LMTK2: variants seen among roughly 807,000 people sequenced by gnomAD.
LMTK2 encodes lemur tail kinase 2, also known as serine/threonine-protein kinase LMTK2.
LMTK2 carries 37 observed loss-of-function variants against 127.5 expected under a neutral mutation model. The ratio of observed to expected loss-of-function variants is 0.29; its 90% CI spans 0.22 to 0.38. LMTK2 has a LOEUF of 0.38. Among genes scored for constraint, LMTK2 ranks in the 10% least tolerant of loss-of-function variants. The pLI, the probability that LMTK2 is intolerant of heterozygous loss-of-function variation, is 1.00. For missense variants in LMTK2, 1,694 were observed against 1,920.3 expected, an observed-to-expected ratio of 0.88 and a Z score of 2.20; for synonymous variants, 819 against 810.1, an observed-to-expected ratio of 1.01 and a Z score of -0.19.
intron 3 of LMTK2, among the ~76,000 whole-genome samples, chr7:98,142,491 G>A (rs778775114): frequency 6.6e-5 from 10 of 151,702 alleles, no homozygotes; most frequent in Non-Finnish European, 1.2e-4. Context: ...AAATAATGAA[G>A]TTTAAAAGGA....
rs1011749294 is a variant in LMTK2 at position 98,205,330 on chromosome 7, G to C, written c.4484-134G>C. The C allele has an allele frequency of 1.7e-5, 17 of 997,838 alleles. No individual in the cohort carries two copies. The African/African-American group carries it at 2.7e-4, about 16-fold the overall frequency. The allele number at this position is 997,838 out of a possible 1,614,324, so 61.8% of individuals were successfully genotyped here. On this transcript the variant is annotated intron_variant, in intron 13 of 13. Transcript: ENST00000297293. ...TGCTTCCGAAGGAAAGGACAGGAAG[G>C]GCGGCTCAGGCGGTGCTGGGCTCAA...
chr7:98,208,702 G>C lies in LMTK2; in HGVS notation c.*3210G>C, dbSNP rs1481357844. 6.6e-6 allele frequency: 1 copy of C among 152,212 alleles called. No homozygotes were observed. The highest frequency in any genetic ancestry group is 1.5e-5 in the Non-Finnish European group (1 of 68,038). 9.4% of individuals were successfully genotyped at this position (152,212 alleles called of 1,614,324 possible). On this transcript the variant is annotated 3_prime_UTR_variant, in exon 14 of 14. Transcript: ENST00000297293. ...AGCCAGAAAGGGCAACCCAGAAAAA[G>C]TGCTCCCCACATCCTTCTGAGACTT...
chr7:98,140,077 A>ACTTACTTT (rs1562902425), intron 2 of LMTK2, among the ~76,000 whole-genome samples: 16 of 23,754 alleles, frequency 6.7e-4, no homozygotes, highest in African/African-American at 1.4e-3. Flanking sequence ...GGTTTCCACA[A>ACTTACTTT]CTTTCTTTCT....
chr7:98,167,483 C>A (rs539701786), intron 6 of LMTK2, among the ~76,000 whole-genome samples: 1 of 152,324 alleles, frequency 6.6e-6, no homozygotes, highest in East Asian at 1.9e-4. Context: ...TGGGGTGGTG[C>A]TGGGACCAAT....
At chr7:98,130,595 A>G (rs973037188) in intron 1 of LMTK2, among the ~76,000 whole-genome samples, 1 of 152,162 alleles carries the variant, frequency 6.6e-6, no homozygotes, top group Non-Finnish European at 1.5e-5. Context: ...TCAAGTGAAA[A>G]TGCGGTCATG....
chr7:98,190,726 A>G lies in LMTK2; in HGVS notation c.999-2A>G. On this transcript the variant is annotated splice_acceptor_variant, in intron 9 of 13. Coordinates refer to ENST00000297293, the MANE Select transcript of LMTK2 (RefSeq NM_014916.4). LOFTEE classifies it high-confidence loss of function. ...GAAACAGCCATTTTCTTTTTCCAAC[A>G]GGTCTCTGGGTGTGACACTTTGGGA... The G allele has an allele frequency of 6.2e-7, 1 of 1,613,964 alleles. No homozygotes were observed. The highest frequency in any genetic ancestry group is 8.5e-7 in the Non-Finnish European group (1 of 1,179,910).
chr7:98,167,928 G>C (rs1797127063), intron 6 of LMTK2, among the ~76,000 whole-genome samples: 1 of 152,162 alleles, frequency 6.6e-6, no homozygotes, highest in Admixed American at 6.5e-5. Flanking sequence ...GGCTGGTGAA[G>C]AACATGTTTA....
chr7:98,143,912 GTCAA>G (rs1295582042), intron 3 of LMTK2, among the ~76,000 whole-genome samples: 3 of 152,112 alleles, frequency 2.0e-5, no homozygotes, highest in Non-Finnish European at 4.4e-5. Flanking sequence ...CTAAATTATA[GTCAA>G]TCAATACAGT....
chr7:98,195,603 C>T (rs1452207699), intron 11 of LMTK2, among the ~76,000 whole-genome samples: 4 of 152,218 alleles, frequency 2.6e-5, no homozygotes, highest in African/African-American at 4.8e-5. Flanking sequence ...TTCTAGAAGG[C>T]GCAGGAGTCC....
chr7:98,164,423 A>G (rs971579469), intron 6 of LMTK2, among the ~76,000 whole-genome samples: 6 of 152,116 alleles, frequency 3.9e-5, no homozygotes, highest in African/African-American at 1.2e-4. Context: ...TCTGCCACTC[A>G]CTGGTTTATC....
intron 1 of LMTK2, among the ~76,000 whole-genome samples, chr7:98,114,542 G>C (rs182010494): frequency 1.2e-3 from 177 of 152,228 alleles, no homozygotes; most frequent in African/African-American, 4.0e-3. Flanking sequence ...ACTGCACCTG[G>C]GTAGTTTTAA....
At chr7:98,127,271 A>G (rs1287745348) in intron 1 of LMTK2, among the ~76,000 whole-genome samples, 4 of 152,084 alleles carry the variant, frequency 2.6e-5, no homozygotes, top group African/African-American at 9.7e-5. Flanking sequence ...CTGCAGTGCT[A>G]CTTGTCAGGG....
intron 1 of LMTK2, among the ~76,000 whole-genome samples, chr7:98,128,374 A>G (rs987700470): frequency 1.3e-5 from 2 of 152,240 alleles, no homozygotes; most frequent in East Asian, 3.9e-4. Flanking sequence ...TGCACACGGA[A>G]GAAAGCCCCT....
intron 7 of LMTK2, among the ~76,000 whole-genome samples, chr7:98,178,241 G>C (rs560732471): frequency 6.6e-6 from 1 of 152,120 alleles, no homozygotes; most frequent in Non-Finnish European, 1.5e-5. Context: ...CAGATTACTC[G>C]GGAAAGCATA....
rs532281800 is a variant in LMTK2, at chr7:98,203,697, G to A, written c.4231G>A (p.Asp1411Asn). 3.7e-6 allele frequency: 6 copies of A among 1,613,674 alleles called. No homozygotes were observed. The highest frequency in any genetic ancestry group is 2.2e-5 in the East Asian group (1 of 44,874). ...GTGCATCAACTCCGAAAGCTCCACC[G>A]ACGAAGAAGGTATTTCACGTCATTG... ...SRCINSESST[D>N]EEGGGFEWDD... is the part of the protein sequence containing the mutation. Residue 1411 changes from aspartate to asparagine, a missense_variant, in exon 12 of 14, where the codon GAC becomes AAC. Physicochemically the swap from Asp to Asn is conservative, Grantham distance 23. Transcript: ENST00000297293.
At chr7:98,110,371 G>C (rs78714183) in intron 1 of LMTK2, among the ~76,000 whole-genome samples, 1 of 152,068 alleles carries the variant, frequency 6.6e-6, no homozygotes, top group Non-Finnish European at 1.5e-5. Context: ...CTGGGATGCC[G>C]TTTTGCCCCC....
At chr7:98,191,057 G>T (rs2116458511) in intron 10 of LMTK2, among the ~76,000 whole-genome samples, 180 bp downstream of exon 10, 1 of 152,212 alleles carries the variant, frequency 6.6e-6, no homozygotes, top group South Asian at 2.1e-4. Context: ...TGTTTCGGGT[G>T]TTGAGTTGGC....
At chr7:98,151,292 C>A in intron 3 of LMTK2, 90 bp from the exon 4 acceptor site, 1 of 796,576 alleles carries the variant, frequency 1.3e-6, no homozygotes. Flanking sequence ...TTTATTTGCA[C>A]AAGCCTTTAT....
chr7:98,178,518 G>A (rs1201403685), intron 7 of LMTK2, among the ~76,000 whole-genome samples: 2 of 152,202 alleles, frequency 1.3e-5, no homozygotes, highest in Non-Finnish European at 2.9e-5. Context: ...CGCTGCCAGA[G>A]CCTTCTGAGA....
Sources: gnomAD v4.1 joint callset for allele counts (sites outside exome capture counted in the v4.1 genomes callset) on GRCh38, gnomAD v4.1.1 for gene constraint, MANE v1.5 for transcripts, NCBI Gene and HGNC (gene_info 2026-07-23, HGNC 2026-07-21) for gene names.